The following METTL6 variants were observed in gnomAD, a reference collection of about 807,000 sequenced individuals.
The protein encoded by METTL6 is tRNA N(3)-cytidine methyltransferase METTL6.
In METTL6, 22 loss-of-function variants were observed where a neutral mutation model predicts 26.4. The ratio of observed to expected loss-of-function variants is 0.83; its 90% CI spans 0.59 to 1.19. The LOEUF (loss-of-function observed/expected upper bound fraction) is 1.19, where lower values mean the gene tolerates loss of function less well. Among genes scored for constraint, METTL6 ranks in the 50% most tolerant of loss-of-function variants. METTL6 has a pLI of 0.00. For synonymous variants in METTL6, 109 were observed against 116.2 expected, an observed-to-expected ratio of 0.94 and a Z score of 0.40; for missense variants, 304 against 324.8, an observed-to-expected ratio of 0.94 and a Z score of 0.49.
intron 4 of METTL6, chr3:15,414,859 C>T: frequency 1.6e-6 from 1 of 642,472 alleles, no homozygotes; most frequent in Non-Finnish European, 2.5e-6. Context: ...GAAGTTGAGG[C>T]TGCAGTGAGC....
chr3:15,400,337 T>C (rs929364962), intron 6 of METTL6, among the ~76,000 whole-genome samples: 7 of 152,118 alleles, frequency 4.6e-5, no homozygotes, highest in Non-Finnish European at 8.8e-5. Context: ...GTACACACAC[T>C]GGCTCTTCTG....
At chr3:15,406,501 T>G (rs1299782417), downstream of METTL6, among the ~76,000 whole-genome samples, 1 of 150,380 alleles carries the variant, frequency 6.6e-6, no homozygotes, top group African/African-American at 2.5e-5. Flanking sequence ...AGAAGTACAT[T>G]TTACAATCAA....
intron 3 of METTL6, among the ~76,000 whole-genome samples, chr3:15,422,072 TC>T (rs1458803767): frequency 2.0e-5 from 3 of 151,236 alleles, no homozygotes; most frequent in African/African-American, 7.3e-5. Context: ...TGGGAGTTAA[TC>T]CCAGCACTCT....
chr3:15,386,193 C>T (rs1465050904), intron 6 of METTL6, among the ~76,000 whole-genome samples: 1 of 152,116 alleles, frequency 6.6e-6, no homozygotes, highest in East Asian at 1.9e-4. Flanking sequence ...GGGTAACTTC[C>T]AGGCACTGCC....
At chr3:15,400,084 A>G (rs1028057367) in intron 6 of METTL6, among the ~76,000 whole-genome samples, 8 of 152,120 alleles carry the variant, frequency 5.3e-5, no homozygotes, top group African/African-American at 1.9e-4. Context: ...TTGTGGGTCG[A>G]CACGTCCCAG....
chr3:15,410,237 A>C lies in METTL6; in HGVS notation c.*1019T>G, dbSNP rs116356551. Among the ~76,000 whole-genome samples the C allele has an allele frequency of 5.4e-3, 825 of 152,290 alleles. 9 individuals are homozygous for C. Among genetic ancestry groups the C allele is most frequent in the African/African-American group, 0.019 (786 of 41,554 alleles). On this transcript the variant is annotated 3_prime_UTR_variant, in exon 6 of 6. Coordinates refer to ENST00000383790, the MANE Select transcript of METTL6 (RefSeq NM_152396.4). Reference sequence around the variant, plus strand: ...TTTCAAGACCCCCAGTGGTTGCCTGAAACCAAGATGGTACCAAACTCTAAA... The same window carrying C: ...TTTCAAGACCCCCAGTGGTTGCCTGCAACCAAGATGGTACCAAACTCTAAA...
chr3:15,404,257 A>C (rs757053808), intron 6 of METTL6, among the ~76,000 whole-genome samples: 1 of 152,146 alleles, frequency 6.6e-6, no homozygotes, highest in Non-Finnish European at 1.5e-5. Flanking sequence ...AGTGCCCTGC[A>C]TCCAGCTGGT....
At chr3:15,407,517 A>T (rs1699835003), downstream of METTL6, among the ~76,000 whole-genome samples, 1 of 152,196 alleles carries the variant, frequency 6.6e-6, no homozygotes, top group Non-Finnish European at 1.5e-5. Context: ...CTTTCTCTGA[A>T]GTCATTCTTA....
At position 15,414,166 on chromosome 3, in the gene METTL6, T is replaced by C. The variant is rs781774613; in HGVS notation, c.532-4A>G. 20 of 1,603,880 alleles carry C rather than the reference T, an allele frequency of 1.2e-5. No individual in the cohort carries two copies. In the East Asian group the frequency reaches 3.8e-4, roughly 30 times the overall value. ...CACTTTTGCCTGGTTTTAATACCTA[T>C]GAAACAAAAGCAGGCTGAACATGAC... On this transcript the variant is annotated splice_polypyrimidine_tract_variant and splice_region_variant and intron_variant, in intron 4 of 5. Coordinates refer to ENST00000383790, the MANE Select transcript of METTL6 (RefSeq NM_152396.4).
In METTL6 at chr3:15,415,879, G is replaced by C; in HGVS notation, c.424C>G (p.Leu142Val). The C allele has an allele frequency of 1.9e-6, 3 of 1,614,108 alleles. No individual in the cohort carries two copies. The highest frequency in any genetic ancestry group is 2.2e-5 in the South Asian group (2 of 91,084). Residue 142 changes from leucine to valine, a missense_variant, in exon 4 of 6, where the codon CTT becomes GTT. By Grantham distance (32) the Leu-to-Val change is conservative. Coordinates refer to ENST00000383790, the MANE Select transcript of METTL6 (RefSeq NM_152396.4). ...GACTCTGGCGGTACATGATCCAGAA[G>C]ATCATCTTTAGTCAGATCACACTGG... ...VFQCDLTKDDLLDHVPPESVD... is the reference protein window; with the variant it reads ...VFQCDLTKDDVLDHVPPESVD...
rs866438790 is a variant in METTL6, at chr3:15,409,879, C to T, written c.*1377G>A. On this transcript the variant is annotated 3_prime_UTR_variant, in exon 6 of 6. Coordinates refer to ENST00000383790, the MANE Select transcript of METTL6 (RefSeq NM_152396.4). ...ATATGACACTCGAAAAAGAAGAAAA[C>T]AGAACACTCCTTTAGGCTAGAAATA... Among the ~76,000 whole-genome samples, 1 of 152,154 alleles carries T rather than the reference C, an allele frequency of 6.6e-6. No homozygotes were observed. The highest frequency in any genetic ancestry group is 1.9e-4 in the East Asian group (1 of 5,198).
At chr3:15,402,359 G>C (rs1699670634) in intron 6 of METTL6, among the ~76,000 whole-genome samples, 5 of 152,186 alleles carry the variant, frequency 3.3e-5, no homozygotes. Context: ...TTATGGAGTT[G>C]AAGCTATCCT....
intron 6 of METTL6, among the ~76,000 whole-genome samples, chr3:15,390,137 TAAG>T (rs1308146100): frequency 1.3e-5 from 2 of 152,026 alleles, no homozygotes; most frequent in African/African-American, 4.8e-5. Flanking sequence ...AACATTTTAA[TAAG>T]GAGGCTAGGG....
downstream of METTL6, among the ~76,000 whole-genome samples, chr3:15,405,268 C>A (rs1699754689): frequency 6.6e-6 from 1 of 152,298 alleles, no homozygotes. Context: ...CAGACATTAC[C>A]TTAAAATGCT....
rs192993018 is a variant in METTL6 at position 15,397,711 on chromosome 3, C to A, written c.*12-13524G>T. ...ATAGCCCTTCCCCCAAACTCAATCACCTTTGTAAAGCTAATTAGAGACCAC... is the reference window on the plus strand; with the variant it reads ...ATAGCCCTTCCCCCAAACTCAATCAACTTTGTAAAGCTAATTAGAGACCAC... On this transcript the variant is annotated intron_variant, in intron 6 of 6. Coordinates refer to the METTL6 transcript ENST00000443029. Among the ~76,000 whole-genome samples the A allele has an allele frequency of 9.7e-4, 148 of 152,236 alleles. 1 individual carries two copies. The Middle Eastern group carries it at 0.02, about 21-fold the overall frequency.
chr3:15,386,533 C>G (rs1046926156), intron 6 of METTL6, among the ~76,000 whole-genome samples: 6 of 152,176 alleles, frequency 3.9e-5, no homozygotes, highest in African/African-American at 1.2e-4. Flanking sequence ...AGGTTTTATA[C>G]ATGGGCATGG....
intron 6 of METTL6, among the ~76,000 whole-genome samples, chr3:15,390,794 C>T (rs1348837667): frequency 6.6e-6 from 1 of 152,206 alleles, no homozygotes; most frequent in Non-Finnish European, 1.5e-5. Flanking sequence ...GGTTCTTGTC[C>T]AGCATCCAGG....
intron 3 of METTL6, among the ~76,000 whole-genome samples, chr3:15,417,350 A>G (rs6792128): frequency 0.52 from 79,592 of 151,614 alleles, 21,534 homozygotes; most frequent in African/African-American, 0.65. Flanking sequence ...AGTTACTGGG[A>G]AGACTGAGGC....
At chr3:15,417,550 TA>T (rs2125004962) in intron 3 of METTL6, among the ~76,000 whole-genome samples, 1 of 151,912 alleles carries the variant, frequency 6.6e-6, no homozygotes, top group Admixed American at 6.6e-5. Flanking sequence ...TTACAAAACG[TA>T]GTAATAAAAC....
Sources: gnomAD v4.1 joint callset for allele counts (sites outside exome capture counted in the v4.1 genomes callset) on GRCh38, gnomAD v4.1.1 for gene constraint, MANE v1.5 for transcripts, NCBI Gene and HGNC (gene_info 2026-07-23, HGNC 2026-07-21) for gene names.